The following SLX4 variants were observed in gnomAD, a reference collection of about 807,000 sequenced individuals.
SLX4 encodes the protein structure-specific endonuclease subunit SLX4.
A neutral mutation model predicts 146.2 loss-of-function variants in SLX4; 112 were observed. That is an observed-to-expected ratio of 0.77 (90% CI 0.66 to 0.90). SLX4 has a LOEUF of 0.90. Ranked by LOEUF, SLX4 falls within the 40% of genes least tolerant of loss-of-function variation. The pLI is 0.00. For synonymous variants in SLX4, 1,061 were observed against 997.7 expected (o/e 1.06, Z -1.20); for missense variants, 2,563 against 2,392.7 (o/e 1.07, Z -1.49).
At position 3,609,075 on chromosome 16, in the gene SLX4, T is replaced by C; in HGVS notation, c.-111A>G. 1 of 1,354,520 alleles carries C rather than the reference T, an allele frequency of 7.4e-7. No homozygotes were observed. The highest frequency in any genetic ancestry group is 1.0e-6 in the Non-Finnish European group (1 of 984,954). 83.9% of individuals were successfully genotyped at this position (1,354,520 alleles called of 1,614,324 possible). ...GAAGTATCTTTGTTCAAATTGGGCCTGTGGTTAAACATGTTTAAAGCTTCC... is the reference window on the plus strand; with the variant it reads ...GAAGTATCTTTGTTCAAATTGGGCCCGTGGTTAAACATGTTTAAAGCTTCC... On this transcript the variant is annotated 5_prime_UTR_variant, in exon 2 of 15. Coordinates refer to ENST00000294008, the MANE Select transcript of SLX4 (RefSeq NM_032444.4).
At chr16:3,595,572 G>A in intron 9 of SLX4, 33 bp downstream of exon 9, 1 of 1,611,084 alleles carries the variant, frequency 6.2e-7, no homozygotes, top group Non-Finnish European at 8.5e-7. Context: ...GGATGGCCGG[G>A]ACCAGAGAGC....
rs1596534826 is a variant in SLX4 at position 3,609,272 on chromosome 16, G to T, written c.-308C>A. ...AAATACAAAAAATTGGCCAGGCGTG[G>T]TAGCAGATGCCTGTAATCCCAGCTA... On this transcript the variant is annotated 5_prime_UTR_variant, in exon 2 of 15. Transcript: ENST00000294008. 3.0e-6 allele frequency: 1 copy of T among 335,482 alleles called. No homozygotes were observed. The highest frequency in any genetic ancestry group is 5.5e-5 in the East Asian group (1 of 18,068). 20.8% of individuals were successfully genotyped at this position (335,482 alleles called of 1,614,324 possible).
Position 3,597,498 on chromosome 16 carries a change from G to A in SLX4, c.1564C>T (p.Pro522Ser), listed in dbSNP as rs771292301. The A allele has an allele frequency of 6.2e-7, 1 of 1,614,094 alleles. No individual in the cohort carries two copies. Among genetic ancestry groups the A allele is most frequent in the Non-Finnish European group, 8.5e-7 (1 of 1,180,036 alleles). The change falls in exon 7 of 15, where the codon CCA (proline) becomes TCA (serine). Residue 522 changes from proline (P) to serine (S), a missense_variant. Pro to Ser is a moderately conservative substitution (Grantham distance 74, BLOSUM62 -1). Coordinates refer to ENST00000294008, the MANE Select transcript of SLX4 (RefSeq NM_032444.4). The surrounding 1 kb of genome is among the most constrained non-coding windows in gnomAD (Gnocchi z 4.4). ...GWERAGQCPP[P>S]PERKQSFLWE... is the part of the protein sequence containing the mutation. ...AGAAAGCTCTGCTTGCGTTCAGGTG[G>A]AGGAGGACACTGGCCCGCTCTTTCC...
intron 5 of SLX4, among the ~76,000 whole-genome samples, chr16:3,598,513 G>A (rs898557985): frequency 5.3e-5 from 8 of 152,196 alleles, no homozygotes; most frequent in African/African-American, 1.2e-4. Context: ...TATACCAGCC[G>A]CCCCGGGACT....
chr16:3,596,157 A>C lies in SLX4; in HGVS notation c.1920T>G (p.Thr640=). 1.3e-6 allele frequency: 2 copies of C among 1,551,140 alleles called. No individual in the cohort carries two copies. Among genetic ancestry groups the C allele is most frequent in the African/African-American group, 2.7e-5 (2 of 73,352 alleles). ...GAGTCCCACCCAGCATCTCACCTGCAGTCCCTTCCGAGCCAGCCAGGCCCC... is the reference window on the plus strand; with the variant it reads ...GAGTCCCACCCAGCATCTCACCTGCCGTCCCTTCCGAGCCAGCCAGGCCCC... ...GSGGLAGSEG[T]AGLDVVPGGL... Residue 640 remains threonine, a synonymous_variant, in exon 8 of 15, where the codon ACT becomes ACG. Transcript: ENST00000294008.
chr16:3,583,499 C>T lies in SLX4; in HGVS notation c.4751G>A (p.Arg1584His), dbSNP rs199969428. ...LKKELDRFGV[R>H]PLPKRQMVLK... is the part of the protein sequence containing the mutation. ...AACCATCTGGCGTTTAGGCAGAGGG[C>T]GGACTCCAAACCTGACGGAGGAACA... The change falls in exon 14 of 15, where the codon CGC becomes CAC. Residue 1584 changes from arginine to histidine, a missense_variant. Transcript: ENST00000294008. 17 of 1,614,092 alleles carry T rather than the reference C, an allele frequency of 1.1e-5. No individual in the cohort carries two copies. In the East Asian group the frequency reaches 1.3e-4, roughly 13 times the overall value.
chr16:3,589,993 C>G lies in SLX4; in HGVS notation c.3645G>C (p.Gln1215His). ...CCGGCAGCGCCCCCTCATCCTCCTG[C>G]TGCAGCACAGCTTCGCTTCTTGGTG... Reference protein sequence around the residue: ...QSPPRSEAVLQQEDEGALPEN... With the variant: ...QSPPRSEAVLHQEDEGALPEN... Residue 1215 changes from glutamine to histidine, a missense_variant, in exon 12 of 15, where the codon CAG becomes CAC. Physicochemically the swap from Gln to His is conservative, Grantham distance 24. Coordinates refer to ENST00000294008, the MANE Select transcript of SLX4 (RefSeq NM_032444.4). The surrounding 1 kb of genome is among the most constrained non-coding windows in gnomAD (Gnocchi z 6.2). The G allele has an allele frequency of 6.2e-7, 1 of 1,614,092 alleles. No homozygotes were observed. The highest frequency in any genetic ancestry group is 1.1e-5 in the South Asian group (1 of 91,078).
At chr16:3,591,402 A>G (rs966556102) in intron 11 of SLX4, 92 bp from the exon 12 acceptor site, 1 of 1,553,840 alleles carries the variant, frequency 6.4e-7, no homozygotes, top group Non-Finnish European at 8.7e-7. Flanking sequence ...CAGAGTCTTC[A>G]CCAGGAGGAA....
intron 3 of SLX4, among the ~76,000 whole-genome samples, chr16:3,603,799 C>T (rs1232205353): frequency 2.0e-5 from 3 of 152,224 alleles, no homozygotes; most frequent in Admixed American, 2.0e-4. Context: ...CCCTGTCTCA[C>T]CTGCAGCCAA....
chr16:3,603,484 A>G (rs1166734333), intron 3 of SLX4, among the ~76,000 whole-genome samples: 1 of 152,196 alleles, frequency 6.6e-6, no homozygotes, highest in African/African-American at 2.4e-5. Context: ...TGCAACTCAC[A>G]TGTGCGTCCA....
At position 3,605,267 on chromosome 16, in the gene SLX4, T is replaced by G. The variant is rs577951024; in HGVS notation, c.760+1207A>C. ...ACCATACCTTGCTAATTTTTTGTATTTTTCATAGAGATGGGGTTTCACTGT... is the reference window on the plus strand; with the variant it reads ...ACCATACCTTGCTAATTTTTTGTATGTTTCATAGAGATGGGGTTTCACTGT... On this transcript the variant is annotated intron_variant, in intron 3 of 14. Transcript: ENST00000294008. Among the ~76,000 whole-genome samples, 32 of 152,160 alleles carry G rather than the reference T, an allele frequency of 2.1e-4. No homozygotes were observed. The East Asian group carries it at 5.7e-3, about 27-fold the overall frequency.
At chr16:3,609,771 T>A (rs2040828367) in intron 1 of SLX4, among the ~76,000 whole-genome samples, 1 of 152,220 alleles carries the variant, frequency 6.6e-6, no homozygotes, top group East Asian at 1.9e-4. Flanking sequence ...CAAAGCATGT[T>A]GTTCTTCCAC....
chr16:3,609,795 T>C (rs982607123), intron 1 of SLX4, among the ~76,000 whole-genome samples: 2 of 152,224 alleles, frequency 1.3e-5, no homozygotes, highest in African/African-American at 4.8e-5. Context: ...TATTAAAATA[T>C]GTGCATCTTG....
intron 12 of SLX4, among the ~76,000 whole-genome samples, chr16:3,586,588 A>C (rs2040510846): frequency 1.3e-5 from 2 of 152,296 alleles, no homozygotes; most frequent in South Asian, 4.1e-4. Context: ...AAGTGGGTGG[A>C]TCACTTGAGG....
chr16:3,606,818 C>T, intron 2 of SLX4, 120 bp from the exon 3 acceptor site: 2 of 1,042,510 alleles, frequency 1.9e-6, no homozygotes. Context: ...TTAGGTTTGA[C>T]TCACAAATGT....
At position 3,583,480 on chromosome 16, in the gene SLX4, C is replaced by G. The variant is rs2040467980; in HGVS notation, c.4770G>C (p.Gln1590His). ...RFGVRPLPKR[Q>H]MVLKLKEIFQ... ...ATATCTCCTTCAGCTTCAGAACCAT[C>G]TGGCGTTTAGGCAGAGGGCGGACTC... The change falls in exon 14 of 15, where the codon CAG becomes CAC. Residue 1590 changes from glutamine to histidine, a missense_variant. Physicochemically the swap from Gln to His is conservative, Grantham distance 24 (BLOSUM62 0). Coordinates refer to ENST00000294008, the MANE Select transcript of SLX4 (RefSeq NM_032444.4). 6.2e-7 allele frequency: 1 copy of G among 1,614,204 alleles called. No individual in the cohort carries two copies. The highest frequency in any genetic ancestry group is 8.5e-7 in the Non-Finnish European group (1 of 1,180,054).
At chr16:3,604,992 G>A (rs2040767247) in intron 3 of SLX4, among the ~76,000 whole-genome samples, 1 of 148,298 alleles carries the variant, frequency 6.7e-6, no homozygotes, top group South Asian at 2.1e-4. Context: ...TGCAATCACA[G>A]CTCACTGCAG....
In SLX4 at chr16:3,589,322, T is replaced by C; in HGVS notation, c.4316A>G (p.Asp1439Gly). The change falls in exon 12 of 15, where the codon GAC (aspartate) becomes GGC (glycine). Residue 1439 changes from aspartate (D) to glycine (G), a missense_variant. Asp to Gly is a moderately conservative substitution (Grantham distance 94). Transcript: ENST00000294008. This position sits in a 1 kb window ranked among gnomAD's most constrained non-coding sequence, Gnocchi z 6.2. ...GCCGGTCCGCTCCAGGTTCCAGTGG[T>C]CAATGGGAATTGGCGAGAGGGGCTC... ...HMEPLSPIPI[D>G]HWNLERTGPL... 1 of 1,578,814 alleles carries C rather than the reference T, an allele frequency of 6.3e-7. No homozygotes were observed. The highest frequency in any genetic ancestry group is 1.2e-5 in the South Asian group (1 of 85,624).
At chr16:3,603,099 G>C (rs561450180) in intron 3 of SLX4, among the ~76,000 whole-genome samples, 2 of 152,304 alleles carry the variant, frequency 1.3e-5, no homozygotes, top group East Asian at 3.9e-4. Flanking sequence ...CTGTCGCCAG[G>C]CTGGAGTGCA....
Sources: gnomAD v4.1 joint callset for allele counts (sites outside exome capture counted in the v4.1 genomes callset) on GRCh38, gnomAD v4.1.1 for gene constraint, Gnocchi (gnomAD v3.1) non-coding constraint, MANE v1.5 for transcripts, NCBI Gene and HGNC (gene_info 2026-07-23, HGNC 2026-07-21) for gene names.